Variants in B4GALT5 observed in about 807,000 individuals in gnomAD.
The protein encoded by B4GALT5 is beta-1,4-galactosyltransferase 5.
B4GALT5 carries 11 observed loss-of-function variants against 45.0 expected under a neutral mutation model. The observed-to-expected ratio is 0.24, with a 90% confidence interval of 0.15 to 0.40. The LOEUF is 0.40. B4GALT5 is among the 10% of genes least tolerant of loss of function. B4GALT5 has a pLI of 1.00. For synonymous variants in B4GALT5, 185 were observed against 182.9 expected (o/e 1.01, Z -0.09); for missense variants, 337 against 500.2 (o/e 0.67, Z 3.11).
intron 1 of B4GALT5, among the ~76,000 whole-genome samples, chr20:49,687,466 A>C (rs568487398): frequency 7.9e-5 from 12 of 152,128 alleles, no homozygotes; most frequent in Middle Eastern, 6.3e-3. Context: ...CAACATGGTG[A>C]AACCCTGTCT....
In B4GALT5 at chr20:49,635,346, C is replaced by G. The variant is rs2085547322; in HGVS notation, c.*966G>C. The G allele has an allele frequency of 6.6e-6, 1 of 151,706 alleles. No individual in the cohort carries two copies. The highest frequency in any genetic ancestry group is 1.5e-5 in the Non-Finnish European group (1 of 68,030). The allele number at this position is 151,706 out of a possible 1,614,324, so 9.4% of individuals were successfully genotyped here. The stretch of plus-strand genomic sequence containing the variant: ...TGCTTTAGGCAGGAAGCAGCCTGCT[C>G]TAACAGCAGCCTCCCGCTTAGCGGA... On this transcript the variant is annotated 3_prime_UTR_variant, in exon 9 of 9. Transcript: ENST00000371711.
chr20:49,704,438 G>A (rs569226688), intron 1 of B4GALT5, among the ~76,000 whole-genome samples: 2 of 152,152 alleles, frequency 1.3e-5, no homozygotes, highest in Admixed American at 1.3e-4. Context: ...ACAACATTGC[G>A]GCCGGGCGCG....
intron 1 of B4GALT5, among the ~76,000 whole-genome samples, chr20:49,662,903 T>G (rs1242705206): frequency 6.6e-6 from 1 of 152,210 alleles, no homozygotes; most frequent in Non-Finnish European, 1.5e-5. Flanking sequence ...CTCACTCCCA[T>G]GGATGAGTAC....
intron 2 of B4GALT5, 97 bp downstream of exon 2, chr20:49,656,471 C>CA: frequency 6.7e-7 from 1 of 1,490,570 alleles, no homozygotes; most frequent in Non-Finnish European, 9.2e-7. Flanking sequence ...CCCTCTTTTA[C>CA]AATGCGCTTT....
chr20:49,650,961 G>A (rs1406256982), intron 2 of B4GALT5, among the ~76,000 whole-genome samples: 1 of 152,140 alleles, frequency 6.6e-6, no homozygotes, highest in African/African-American at 2.4e-5. Context: ...ACCTGGACAT[G>A]TTCTTGAAGG....
At chr20:49,659,106 C>T (rs2085654824) in intron 1 of B4GALT5, among the ~76,000 whole-genome samples, 1 of 152,172 alleles carries the variant, frequency 6.6e-6, no homozygotes, top group Non-Finnish European at 1.5e-5. Flanking sequence ...CTAGCCACAA[C>T]CTCTCTCTGA....
At position 49,634,735 on chromosome 20, in the gene B4GALT5, T is replaced by A. The variant is rs1444862795; in HGVS notation, c.*1577A>T. Reference sequence around the variant, plus strand: ...ACAAAAAATTAGCCAGGTGTGGTGGTGTGCACCTGTAGTCCCAGCTACTCG... The same window carrying A: ...ACAAAAAATTAGCCAGGTGTGGTGGAGTGCACCTGTAGTCCCAGCTACTCG... On this transcript the variant is annotated 3_prime_UTR_variant, in exon 9 of 9. Coordinates refer to ENST00000371711, the MANE Select transcript of B4GALT5 (RefSeq NM_004776.4). 1 of 152,186 alleles carries A rather than the reference T, an allele frequency of 6.6e-6. No homozygotes were observed. Among genetic ancestry groups the A allele is most frequent in the Non-Finnish European group, 1.5e-5 (1 of 68,148 alleles). The allele number at this position is 152,186 out of a possible 1,614,324, so 9.4% of individuals were successfully genotyped here.
chr20:49,670,525 T>C (rs967033974), intron 1 of B4GALT5, among the ~76,000 whole-genome samples: 6 of 152,212 alleles, frequency 3.9e-5, no homozygotes, highest in African/African-American at 1.4e-4. Context: ...CCCAAGCAGC[T>C]GGGACTACAG....
chr20:49,700,772 G>C (rs184689616), intron 1 of B4GALT5, among the ~76,000 whole-genome samples: 1 of 152,166 alleles, frequency 6.6e-6, no homozygotes, highest in African/African-American at 2.4e-5. Context: ...AAGACAAAGG[G>C]GGACAGAGCA....
intron 1 of B4GALT5, chr20:49,684,565 GA>G (rs11477014): frequency 0.13 from 64,795 of 517,564 alleles, 4,711 homozygotes; most frequent in East Asian, 0.2. Flanking sequence ...TCCTCAAGAA[GA>G]AAAAAAAGTT....
chr20:49,670,731 T>G (rs1454291616), intron 1 of B4GALT5, among the ~76,000 whole-genome samples: 1 of 152,184 alleles, frequency 6.6e-6, no homozygotes, highest in Non-Finnish European at 1.5e-5. Flanking sequence ...TGATACCTGT[T>G]CTACCAAAGC....
At chr20:49,640,382 A>C in intron 6 of B4GALT5, 96 bp downstream of exon 6, 1 of 1,105,016 alleles carries the variant, frequency 9.0e-7, no homozygotes, top group Non-Finnish European at 1.3e-6. Flanking sequence ...CCATCAGTTG[A>C]TGGGCATCTA....
chr20:49,711,284 G>C (rs1391354855), intron 1 of B4GALT5, among the ~76,000 whole-genome samples: 2 of 152,098 alleles, frequency 1.3e-5, no homozygotes, highest in Non-Finnish European at 2.9e-5. Context: ...TAGGATTCTA[G>C]GCATGGCAGT....
chr20:49,692,036 C>T (rs1272289362), intron 1 of B4GALT5, among the ~76,000 whole-genome samples: 1 of 152,146 alleles, frequency 6.6e-6, no homozygotes, highest in Non-Finnish European at 1.5e-5. Flanking sequence ...AACAACACAC[C>T]TTGGCATCCC....
intron 2 of B4GALT5, among the ~76,000 whole-genome samples, chr20:49,647,636 G>A (rs1425513576): frequency 6.6e-6 from 1 of 152,204 alleles, no homozygotes. Context: ...CTGCTGTTAA[G>A]TACTAGTCGT....
intron 1 of B4GALT5, among the ~76,000 whole-genome samples, chr20:49,684,971 T>C (rs1315542474): frequency 6.6e-6 from 1 of 152,228 alleles, no homozygotes; most frequent in Non-Finnish European, 1.5e-5. Context: ...TAGAGTAATT[T>C]TAGAATTATA....
chr20:49,646,887 G>T, intron 3 of B4GALT5, 78 bp downstream of exon 3: 2 of 833,728 alleles, frequency 2.4e-6, no homozygotes, highest in South Asian at 4.0e-5. Flanking sequence ...TCTCTCTGCA[G>T]GCAGACAGAG....
chr20:49,640,698 T>C, intron 5 of B4GALT5, 33 bp from the exon 6 acceptor site: 1 of 1,552,828 alleles, frequency 6.4e-7, no homozygotes, highest in Non-Finnish European at 8.7e-7. Flanking sequence ...TTTAAAAGAA[T>C]CTTGAAGGAA....
At chr20:49,646,846 C>G (rs1235859306) in intron 3 of B4GALT5, 119 bp downstream of exon 3, 6 of 619,844 alleles carry the variant, frequency 9.7e-6, no homozygotes, top group Admixed American at 6.3e-5. Context: ...TTTCACAAAC[C>G]CTGTTTCCAA....
Sources: allele counts gnomAD v4.1 joint callset (sites outside exome capture counted in the v4.1 genomes callset), GRCh38; gene constraint gnomAD v4.1.1; transcripts MANE v1.5; gene names NCBI Gene and HGNC (gene_info 2026-07-23, HGNC 2026-07-21).